MGAT4C: variants seen among roughly 807,000 people sequenced by gnomAD.
The protein encoded by MGAT4C is alpha-1,3-mannosyl-glycoprotein 4-beta-N-acetylglucosaminyltransferase C.
MGAT4C carries 19 observed loss-of-function variants against 40.1 expected under a neutral mutation model. That is an observed-to-expected ratio of 0.47 (90% CI 0.33 to 0.70). MGAT4C has a LOEUF of 0.70. Ranked by LOEUF, MGAT4C falls within the 30% of genes least tolerant of loss-of-function variation. The pLI is 0.02. For missense variants in MGAT4C, 491 were observed against 563.2 expected, an observed-to-expected ratio of 0.87 and a Z score of 1.30; for synonymous variants, 181 against 187.1, an observed-to-expected ratio of 0.97 and a Z score of 0.27.
chr12:86,140,230 C>T (rs1234878522), intron 1 of MGAT4C, among the ~76,000 whole-genome samples: 6 of 152,134 alleles, frequency 3.9e-5, no homozygotes, highest in African/African-American at 1.4e-4. Flanking sequence ...CTGGACTCTT[C>T]AGAATTGATT....
intron 2 of MGAT4C, among the ~76,000 whole-genome samples, chr12:86,495,963 A>G (rs549601676): frequency 6.6e-6 from 1 of 151,970 alleles, no homozygotes; most frequent in African/African-American, 2.4e-5. Context: ...ACATGTAGCT[A>G]CATTCCTGCC....
intron 2 of MGAT4C, among the ~76,000 whole-genome samples, chr12:86,611,462 A>ATAGT (rs1962273859): frequency 6.8e-6 from 1 of 147,516 alleles, no homozygotes; most frequent in Admixed American, 6.7e-5. Flanking sequence ...TAGATGATAG[A>ATAGT]TAGATAGATA....
chr12:86,326,620 A>G (rs1360672647), intron 4 of MGAT4C, among the ~76,000 whole-genome samples: 2 of 152,124 alleles, frequency 1.3e-5, no homozygotes, highest in Admixed American at 6.6e-5. Flanking sequence ...TTCTAAATAC[A>G]TGTGGATCAT....
intron 3 of MGAT4C, among the ~76,000 whole-genome samples, chr12:86,432,678 A>T (rs1957063736): frequency 6.6e-6 from 1 of 152,088 alleles, no homozygotes; most frequent in Admixed American, 6.6e-5. Context: ...AATGGGATGC[A>T]ATTTTATCAG....
intron 1 of MGAT4C, among the ~76,000 whole-genome samples, chr12:86,076,457 ATCTT>A (rs1275502375): frequency 6.6e-6 from 1 of 152,164 alleles, no homozygotes; most frequent in Non-Finnish European, 1.5e-5. Context: ...AGTTTCAGGT[ATCTT>A]TTCAGCAATG....
chr12:85,964,040 C>T lies in MGAT4C; in HGVS notation c.*15249G>A, dbSNP rs1033278818. ...TATGATGATAATTTAGATAAACAAG[C>T]AGAAAACAAAACTATAGAAAAAAGT... On this transcript the variant is annotated 3_prime_UTR_variant, in exon 5 of 5. Transcript: ENST00000611864. The T allele has an allele frequency of 5.3e-5, 8 of 151,640 alleles. No homozygotes were observed. The highest frequency in any genetic ancestry group is 1.2e-4 in the Non-Finnish European group (8 of 67,840). The allele number at this position is 151,640 out of a possible 1,614,324, so 9.4% of individuals were successfully genotyped here.
rs553267863 is a variant in MGAT4C at position 86,596,394 on chromosome 12, C to T, written c.-229+130815G>A. On this transcript the variant is annotated intron_variant, in intron 2 of 7. Transcript: ENST00000548651. ...TAAAACTATTCAATCCCTTTAGGCC[C>T]GGGGACTATCGTTAAAGAGATGGCC... 5.3e-5 allele frequency among the ~76,000 whole-genome samples: 8 copies of T among 152,130 alleles called. No individual in the cohort carries two copies. In the East Asian group the frequency reaches 1.2e-3, roughly 22 times the overall value.
chr12:86,108,219 T>C (rs1876567863), intron 1 of MGAT4C, among the ~76,000 whole-genome samples: 1 of 152,018 alleles, frequency 6.6e-6, no homozygotes, highest in African/African-American at 2.4e-5. Flanking sequence ...AATACCCTCT[T>C]CCTTTGGCAT....
At chr12:86,614,360 C>T (rs2136479460) in intron 2 of MGAT4C, among the ~76,000 whole-genome samples, 1 of 152,222 alleles carries the variant, frequency 6.6e-6, no homozygotes, top group South Asian at 2.1e-4. Context: ...GAAAGCAGGA[C>T]ATTTTCAAAC....
intron 2 of MGAT4C, among the ~76,000 whole-genome samples, chr12:86,549,663 T>C (rs1959250430): frequency 6.6e-6 from 1 of 152,184 alleles, no homozygotes; most frequent in African/African-American, 2.4e-5. Flanking sequence ...CTGAGTAACG[T>C]CAGCAAGACG....
chr12:86,552,025 G>GCAAAAAAAAAAAAAAAAAA (rs1959388109), intron 2 of MGAT4C, among the ~76,000 whole-genome samples: 1 of 78,750 alleles, frequency 1.3e-5, no homozygotes, highest in Non-Finnish European at 2.7e-5. Flanking sequence ...ATTAAAAAAA[G>GCAAAAAAAAAAAAAAAAAA]CAAAAAAAAA....
At chr12:86,452,309 A>AACTCG (rs1157787536) in intron 2 of MGAT4C, among the ~76,000 whole-genome samples, 2 of 151,398 alleles carry the variant, frequency 1.3e-5, no homozygotes, top group African/African-American at 4.9e-5. Context: ...TGCACCCATT[A>AACTCG]ACTCGTCATT....
intron 3 of MGAT4C, among the ~76,000 whole-genome samples, chr12:86,427,271 C>T (rs1395497986): frequency 6.6e-6 from 1 of 152,072 alleles, no homozygotes; most frequent in African/African-American, 2.4e-5. Context: ...TGACTTTGAC[C>T]ATCCAATTAC....
At chr12:86,277,512 C>G (rs568358264) in intron 4 of MGAT4C, among the ~76,000 whole-genome samples, 12 of 152,152 alleles carry the variant, frequency 7.9e-5, no homozygotes, top group African/African-American at 2.9e-4. Flanking sequence ...TCCTTTTTAG[C>G]CTTTTCATAG....
intron 2 of MGAT4C, among the ~76,000 whole-genome samples, chr12:86,538,035 C>G (rs1182129421): frequency 6.6e-6 from 1 of 152,096 alleles, no homozygotes; most frequent in Non-Finnish European, 1.5e-5. Flanking sequence ...GGCAGTGAGC[C>G]AAGATCATGC....
At position 86,390,041 on chromosome 12, in the gene MGAT4C, C is replaced by T. The variant is rs201008833; in HGVS notation, c.-120+45116G>A. 1.1e-4 allele frequency among the ~76,000 whole-genome samples: 17 copies of T among 152,294 alleles called. No individual in the cohort carries two copies. The East Asian group carries it at 1.9e-3, about 17-fold the overall frequency. On this transcript the variant is annotated intron_variant, in intron 3 of 7. Coordinates refer to the MGAT4C transcript ENST00000548651. ...GAGCATGCACTTTTTAACAACATTA[C>T]ATTCAGCCAGTTTCCAGAGTGAAAC...
rs189790212 is a variant in MGAT4C at position 86,628,995 on chromosome 12, G to T, written c.-229+98214C>A. On this transcript the variant is annotated intron_variant, in intron 2 of 7. Coordinates refer to the MGAT4C transcript ENST00000548651. ...GACCCATCAGCGCTATTAGTGCGCT[G>T]TATTCAGGAGACCCATTTCATATGC... Among the ~76,000 whole-genome samples, 8 of 152,128 alleles carry T rather than the reference G, an allele frequency of 5.3e-5. No homozygotes were observed. In the East Asian group the frequency reaches 1.4e-3, roughly 26 times the overall value.
chr12:86,707,813 G>A (rs1950488872), intron 2 of MGAT4C, among the ~76,000 whole-genome samples: 1 of 152,164 alleles, frequency 6.6e-6, no homozygotes, highest in African/African-American at 2.4e-5. Flanking sequence ...TTACAGGCAT[G>A]AGCCTCCATG....
At chr12:86,683,437 T>A (rs1340313411) in intron 2 of MGAT4C, among the ~76,000 whole-genome samples, 1 of 152,202 alleles carries the variant, frequency 6.6e-6, no homozygotes. Flanking sequence ...TTGCTTAGTT[T>A]AAATTTTATT....
Sources: gnomAD v4.1 joint callset for allele counts (sites outside exome capture counted in the v4.1 genomes callset) on GRCh38, gnomAD v4.1.1 for gene constraint, MANE v1.5 for transcripts, NCBI Gene and HGNC (gene_info 2026-07-23, HGNC 2026-07-21) for gene names.